The following ZNF318 variants were observed in gnomAD, a reference collection of about 807,000 sequenced individuals.
ZNF318 encodes zinc finger protein 318, also known as endocrine regulator.
Under a neutral mutation model 124.2 loss-of-function variants are expected in ZNF318, and 51 were observed. The ratio of observed to expected loss-of-function variants is 0.41; its 90% confidence interval spans 0.33 to 0.52. ZNF318 has a LOEUF of 0.52. Ranked by LOEUF, ZNF318 falls within the 20% of genes least tolerant of loss-of-function variation. The pLI is 0.23. For synonymous variants in ZNF318, 1,090 were observed against 1,040.7 expected, an observed-to-expected ratio of 1.05 and a Z score of -0.91; for missense variants, 2,815 against 2,811.2, an observed-to-expected ratio of 1.00 and a Z score of -0.03.
intron 1 of ZNF318, among the ~76,000 whole-genome samples, chr6:43,366,818 G>A (rs1423621051): frequency 1.3e-5 from 2 of 151,808 alleles, no homozygotes; most frequent in Non-Finnish European, 2.9e-5. Context: ...ACACACACAC[G>A]CACACAAACT....
At position 43,337,398 on chromosome 6, in the gene ZNF318, A is replaced by G. The variant is rs772210675; in HGVS notation, c.6600T>C (p.Cys2200=). The stretch of plus-strand genomic sequence containing the variant: ...GTAATGGCCCCAACTCCAGGGAACT[A>G]CATTTAGAAGGGTCACCTGGCTCAG... ...PLSEPGDPSK[C]SSLELGPLQL... The change falls in exon 10 of 10, where the codon TGT becomes TGC. Residue 2200 remains cysteine (C), a synonymous_variant. Transcript: ENST00000361428. 20 of 1,614,154 alleles carry G rather than the reference A, an allele frequency of 1.2e-5. No individual in the cohort carries two copies. In the South Asian group the frequency reaches 2.2e-4, roughly 18 times the overall value.
chr6:43,364,373 C>T (rs531417409), intron 2 of ZNF318: 3 of 275,618 alleles, frequency 1.1e-5, no homozygotes, highest in Middle Eastern at 1.1e-3. Context: ...TGCTTCACTG[C>T]ATCCACAGCC....
intron 6 of ZNF318, 99 bp downstream of exon 6, chr6:43,348,224 GT>G: frequency 2.5e-6 from 3 of 1,179,552 alleles, no homozygotes; most frequent in Non-Finnish European, 3.6e-6. Flanking sequence ...ATTAACAAGA[GT>G]AAGAACAGTT....
Position 43,338,431 on chromosome 6 carries a change from C to T in ZNF318, c.5567G>A (p.Ser1856Asn), listed in dbSNP as rs1779321133. ...CTTTGTGAAAGAGCAAGCCTGTGGA[C>T]TCAATTTGATCACTACTTTACTTGG... Reference protein sequence around the residue: ...ETPSKVVIKLSPQACSFTKAK... With the variant: ...ETPSKVVIKLNPQACSFTKAK... The change falls in exon 10 of 10, where the codon AGT becomes AAT. Residue 1856 changes from serine to asparagine, a missense_variant. Ser to Asn is a conservative substitution (Grantham distance 46). Transcript: ENST00000361428. The T allele has an allele frequency of 1.2e-6, 2 of 1,614,074 alleles. No individual in the cohort carries two copies. Among genetic ancestry groups the T allele is most frequent in the Non-Finnish European group, 1.7e-6 (2 of 1,180,038 alleles).
intron 2 of ZNF318, among the ~76,000 whole-genome samples, chr6:43,358,031 A>G (rs1779634876): frequency 6.6e-6 from 1 of 152,200 alleles, no homozygotes. Flanking sequence ...AATATCATGG[A>G]AGTTACACAA....
chr6:43,357,756 C>T lies in ZNF318; in HGVS notation c.558G>A (p.Leu186=). 6.3e-7 allele frequency: 1 copy of T among 1,588,618 alleles called. No homozygotes were observed. The highest frequency in any genetic ancestry group is 8.5e-7 in the Non-Finnish European group (1 of 1,175,342). The change falls in exon 3 of 10, where the codon CTG becomes CTA. Residue 186 remains leucine (L), a synonymous_variant. Transcript: ENST00000361428. ...DNLEDMDRDD[L]TDDSVFTRSS... Reference sequence around the variant, plus strand: ...TTCGAGTGAAGACAGAATCATCAGTCAGGTCATCCCTGAGGAAAAAGAGAA... The same window carrying T: ...TTCGAGTGAAGACAGAATCATCAGTTAGGTCATCCCTGAGGAAAAAGAGAA...
chr6:43,356,875 T>TA (rs1040064727), intron 3 of ZNF318, among the ~76,000 whole-genome samples: 7 of 151,906 alleles, frequency 4.6e-5, no homozygotes, highest in Non-Finnish European at 4.4e-5. Flanking sequence ...CCAATTTAAG[T>TA]AAAAAAACTT....
chr6:43,357,857 T>C (rs1779631209), intron 2 of ZNF318, 92 bp from the exon 3 acceptor site: 1 of 1,192,856 alleles, frequency 8.4e-7, no homozygotes, highest in African/African-American at 1.5e-5. Context: ...AAGGGGGCTA[T>C]AAAATGCTTA....
chr6:43,354,100 C>G (rs1779570468), intron 4 of ZNF318, among the ~76,000 whole-genome samples: 1 of 152,030 alleles, frequency 6.6e-6, no homozygotes. Context: ...TACATACACA[C>G]ACATACACAC....
In ZNF318 at chr6:43,337,915, CGAG is replaced by C. The variant is rs754990262; in HGVS notation, c.6080_6082del (p.Thr2027del). 1.2e-6 allele frequency: 2 copies of C among 1,614,164 alleles called. No homozygotes were observed. Among genetic ancestry groups the C allele is most frequent in the South Asian group, 2.2e-5 (2 of 91,086 alleles). ...TGGGGATCTATGTGCTGGGCTTACC[CGAG>C]TAGTGCAGAAATCAACAGGCATATC... On this transcript the variant is annotated inframe_deletion, in exon 10 of 10. Transcript: ENST00000361428.
At chr6:43,356,840 T>A (rs1309708345) in intron 3 of ZNF318, among the ~76,000 whole-genome samples, 3 of 152,070 alleles carry the variant, frequency 2.0e-5, no homozygotes, top group African/African-American at 7.2e-5. Context: ...AACAAACCCA[T>A]ACTCAAAGAT....
In ZNF318 at chr6:43,337,308, G is replaced by T. The variant is rs779185461; in HGVS notation, c.6690C>A (p.Gly2230=). 5 of 1,614,118 alleles carry T rather than the reference G, an allele frequency of 3.1e-6. No individual in the cohort carries two copies. Among genetic ancestry groups the T allele is most frequent in the Non-Finnish European group, 4.2e-6 (5 of 1,180,002 alleles). ...VAILQVDDDS[G]DPLNLVKAPV... ...GAGCTTTAACCAAATTCAGAGGGTC[G>T]CCACTGTCATCATCTACTTGCAGAA... The change falls in exon 10 of 10, where the codon GGC becomes GGA. Residue 2230 remains glycine, a synonymous_variant. Coordinates refer to ENST00000361428, the MANE Select transcript of ZNF318 (RefSeq NM_014345.3).
rs1779304737 is a variant in ZNF318, at chr6:43,337,675, C to G, written c.6323G>C (p.Gly2108Ala). Reference sequence around the variant, plus strand: ...GCCACGGTCAACATTTTCTGTAAGTCCAGTTTTCAAAATGTTAGGAGAAGG... The same window carrying G: ...GCCACGGTCAACATTTTCTGTAAGTGCAGTTTTCAAAATGTTAGGAGAAGG... ...RIPSPNILKTGLTENVDRGLG... is the reference protein window; with the variant it reads ...RIPSPNILKTALTENVDRGLG... The change falls in exon 10 of 10, where the codon GGA (glycine) becomes GCA (alanine). Residue 2108 changes from glycine to alanine, a missense_variant. By Grantham distance (60) the Gly-to-Ala change is moderately conservative. This residue lies in a region of ZNF318 where 927 missense variants were observed against 820.6 expected (regional missense o/e 1.13). Coordinates refer to ENST00000361428, the MANE Select transcript of ZNF318 (RefSeq NM_014345.3). 1 of 1,614,002 alleles carries G rather than the reference C, an allele frequency of 6.2e-7. No homozygotes were observed. Among genetic ancestry groups the G allele is most frequent in the South Asian group, 1.1e-5 (1 of 91,080 alleles).
At position 43,338,822 on chromosome 6, in the gene ZNF318, G is replaced by A; in HGVS notation, c.5176C>T (p.Pro1726Ser). ...KSELDLGEPG[P>S]PGVEPPPQLL... ...TGAGGAGGTGGTTCTACACCAGGTG[G>A]TCCTGGCTCTCCCAGGTCAAGCTCA... The change falls in exon 10 of 10, where the codon CCA (proline) becomes TCA (serine). Residue 1726 changes from proline to serine, a missense_variant. This residue lies in a region of ZNF318 where 927 missense variants were observed against 820.6 expected (regional missense o/e 1.13). Coordinates refer to ENST00000361428, the MANE Select transcript of ZNF318 (RefSeq NM_014345.3). 6.2e-7 allele frequency: 1 copy of A among 1,614,050 alleles called. No homozygotes were observed. The highest frequency in any genetic ancestry group is 8.5e-7 in the Non-Finnish European group (1 of 1,180,004).
Position 43,338,663 on chromosome 6 carries a change from T to C in ZNF318, c.5335A>G (p.Thr1779Ala). 6.2e-7 allele frequency: 1 copy of C among 1,614,208 alleles called. No homozygotes were observed. Among genetic ancestry groups the C allele is most frequent in the Non-Finnish European group, 8.5e-7 (1 of 1,180,040 alleles). ...DCRESEIETN[T>A]ELKERVKELS... ...TCCTTTACCCTTTCTTTTAGTTCAG[T>C]GTTTGTCTCTATCTCACTTTCTCTA... Residue 1779 changes from threonine to alanine, a missense_variant, in exon 10 of 10, where the codon ACT becomes GCT. Coordinates refer to ENST00000361428, the MANE Select transcript of ZNF318 (RefSeq NM_014345.3).
intron 2 of ZNF318, among the ~76,000 whole-genome samples, chr6:43,361,074 T>G (rs906492519): frequency 6.6e-6 from 1 of 152,240 alleles, no homozygotes; most frequent in Non-Finnish European, 1.5e-5. Context: ...GTGAATTATA[T>G]AGTATACAAA....
chr6:43,356,325 T>C (rs1467746470), intron 3 of ZNF318, among the ~76,000 whole-genome samples, 180 bp from the exon 4 acceptor site: 1 of 152,232 alleles, frequency 6.6e-6, no homozygotes, highest in African/African-American at 2.4e-5. Context: ...CTCCAGATGT[T>C]TCTACTGTTG....
rs779023126 is a variant in ZNF318 at position 43,348,550 on chromosome 6, T to G, written c.2846A>C (p.Gln949Pro). The G allele has an allele frequency of 6.2e-7, 1 of 1,614,220 alleles. No homozygotes were observed. The highest frequency in any genetic ancestry group is 1.1e-5 in the South Asian group (1 of 91,082). Reference sequence around the variant, plus strand: ...TGCAATGTCCTTCATAATGTTATCCTGAAGCCGACTCACCTCCACCAAGAG... The same window carrying G: ...TGCAATGTCCTTCATAATGTTATCCGGAAGCCGACTCACCTCCACCAAGAG... ...DPLLVEVSRL[Q>P]DNIMKDIAEL... The change falls in exon 6 of 10, where the codon CAG becomes CCG. Residue 949 changes from glutamine (Q) to proline (P), a missense_variant. Transcript: ENST00000361428.
At position 43,340,803 on chromosome 6, in the gene ZNF318, T is replaced by C. The variant is rs1779365514; in HGVS notation, c.3482A>G (p.Asn1161Ser). 1 of 1,612,882 alleles carries C rather than the reference T, an allele frequency of 6.2e-7. No individual in the cohort carries two copies. Among genetic ancestry groups the C allele is most frequent in the Non-Finnish European group, 8.5e-7 (1 of 1,178,940 alleles). ...GEQHVKGHQH[N>S]EKYKKYVDEN... The stretch of plus-strand genomic sequence containing the variant: ...ACAAAGACCAACCTTGTATTTCTCA[T>C]TGTGTTGGTGACCCTTCACATGTTG... The change falls in exon 9 of 10, where the codon AAT (asparagine) becomes AGT (serine). Residue 1161 changes from asparagine (N) to serine (S), a missense_variant. By Grantham distance (46) the Asn-to-Ser change is conservative. Around this residue, in one of 4 missense-constraint regions of ZNF318, gnomAD observed 500 missense variants for 605.2 expected, o/e 0.83. Coordinates refer to ENST00000361428, the MANE Select transcript of ZNF318 (RefSeq NM_014345.3).
Sources: allele counts gnomAD v4.1 joint callset (sites outside exome capture counted in the v4.1 genomes callset), GRCh38; gene constraint gnomAD v4.1.1; regional missense constraint gnomAD v4.1.1; transcripts MANE v1.5; gene names NCBI Gene and HGNC (gene_info 2026-07-23, HGNC 2026-07-21).